KSR2: variants seen among roughly 807,000 people sequenced by gnomAD.
The protein encoded by KSR2 is kinase suppressor of ras 2.
A neutral mutation model predicts 107.8 loss-of-function variants in KSR2; 25 were observed. The ratio of observed to expected loss-of-function variants is 0.23; its 90% CI spans 0.17 to 0.32. The LOEUF (loss-of-function observed/expected upper bound fraction) is 0.32. KSR2 is among the 10% of genes least tolerant of loss of function. The pLI, the probability that KSR2 is intolerant of heterozygous loss-of-function variation, is 1.00. For missense variants in KSR2, 887 were observed against 1,268.9 expected (o/e 0.70, Z 4.57); for synonymous variants, 480 against 507.0 (o/e 0.95, Z 0.71).
intron 5 of KSR2, among the ~76,000 whole-genome samples, chr12:117,586,235 A>G (rs10850847): frequency 0.18 from 27,139 of 151,946 alleles, 2,691 homozygotes; most frequent in African/African-American, 0.23. Flanking sequence ...AGACACAGGT[A>G]AAAATGGGTG....
At chr12:117,570,005 T>C (rs917020992) in intron 7 of KSR2, among the ~76,000 whole-genome samples, 4 of 129,300 alleles carry the variant, frequency 3.1e-5, no homozygotes, top group African/African-American at 6.0e-5. Flanking sequence ...GTCTGCAGAC[T>C]TTTTTTTTTT....
intron 5 of KSR2, among the ~76,000 whole-genome samples, chr12:117,605,175 G>A (rs1881158034): frequency 6.6e-6 from 1 of 152,142 alleles, no homozygotes; most frequent in Non-Finnish European, 1.5e-5. Flanking sequence ...GTTCTCCCAA[G>A]TGTCTGTGGA....
In KSR2 at chr12:117,968,241, GT is replaced by G; in HGVS notation, c.14del (p.Asn5ThrfsTer2). On this transcript the variant is annotated frameshift_variant, in exon 1 of 20. Coordinates refer to ENST00000339824, the MANE Select transcript of KSR2 (RefSeq NM_173598.6). LOFTEE classifies it high-confidence loss of function. ...GCTGCTGCTCCTCGCTTTTCGTCAT[GT>G]TTTCCTCATCCATCGCTTGCTCTGC... MDEE[N>X]MTKSEEQQPL... The G allele has an allele frequency of 7.4e-7, 1 of 1,345,426 alleles. No individual in the cohort carries two copies. The highest frequency in any genetic ancestry group is 4.9e-5 in the East Asian group (1 of 20,342). The allele number at this position is 1,345,426 out of a possible 1,614,324, so 83.3% of individuals were successfully genotyped here.
chr12:117,737,926 G>T (rs1176918163), intron 4 of KSR2, among the ~76,000 whole-genome samples: 1 of 151,826 alleles, frequency 6.6e-6, no homozygotes, highest in Non-Finnish European at 1.5e-5. Flanking sequence ...GTTTAAGGTT[G>T]GCCAGCGTAC....
intron 4 of KSR2, among the ~76,000 whole-genome samples, chr12:117,676,540 G>A (rs1216209654): frequency 2.0e-5 from 3 of 152,104 alleles, no homozygotes; most frequent in Non-Finnish European, 4.4e-5. Context: ...AAAAGGAAGA[G>A]AAAAGGAAGA....
intron 7 of KSR2, among the ~76,000 whole-genome samples, chr12:117,564,060 C>T (rs1878297904): frequency 6.6e-6 from 1 of 152,168 alleles, no homozygotes; most frequent in Admixed American, 6.5e-5. Context: ...GCTCTCACAC[C>T]AAAACCCTTG....
intron 4 of KSR2, among the ~76,000 whole-genome samples, chr12:117,724,470 A>C (rs1887335191): frequency 6.6e-6 from 1 of 152,194 alleles, no homozygotes; most frequent in Non-Finnish European, 1.5e-5. Context: ...TGCAATGGGC[A>C]ATATAATCTT....
chr12:117,526,537 C>CA (rs995211979), intron 13 of KSR2, among the ~76,000 whole-genome samples: 3 of 152,180 alleles, frequency 2.0e-5, no homozygotes, highest in Non-Finnish European at 2.9e-5. Flanking sequence ...AAAATAGTCC[C>CA]AGAAAAGAAC....
chr12:117,567,152 G>T (rs546895769), intron 7 of KSR2, among the ~76,000 whole-genome samples: 2 of 152,228 alleles, frequency 1.3e-5, no homozygotes, highest in Non-Finnish European at 2.9e-5. Context: ...AAACATAGTA[G>T]TATGTAATAT....
chr12:117,737,811 T>G (rs1160527502), intron 4 of KSR2, among the ~76,000 whole-genome samples: 1 of 151,004 alleles, frequency 6.6e-6, no homozygotes, highest in Admixed American at 6.6e-5. Context: ...AAAAAGACTT[T>G]TTGTTAAAGC....
At chr12:117,887,624 A>T (rs1202051566) in intron 1 of KSR2, among the ~76,000 whole-genome samples, 1 of 152,100 alleles carries the variant, frequency 6.6e-6, no homozygotes, top group African/African-American at 2.4e-5. Context: ...CAACAAAGGA[A>T]TTGTTTAGTT....
chr12:117,864,762 C>T (rs1380900453), intron 1 of KSR2, among the ~76,000 whole-genome samples: 1 of 152,202 alleles, frequency 6.6e-6, no homozygotes, highest in Non-Finnish European at 1.5e-5. Flanking sequence ...GTATGTGTGA[C>T]TGTGTCCAAA....
chr12:117,792,549 T>C (rs1890289526), intron 3 of KSR2, among the ~76,000 whole-genome samples: 1 of 152,200 alleles, frequency 6.6e-6, no homozygotes, highest in African/African-American at 2.4e-5. Flanking sequence ...TTCAGCACTG[T>C]GCCAGGCACA....
At chr12:117,931,088 C>T (rs761914613) in intron 1 of KSR2, among the ~76,000 whole-genome samples, 20 of 152,046 alleles carry the variant, frequency 1.3e-4, no homozygotes, top group African/African-American at 2.7e-4. Flanking sequence ...GAGAGTCGTG[C>T]GGAGCAGAGA....
intron 4 of KSR2, among the ~76,000 whole-genome samples, chr12:117,736,388 C>G (rs1193098217): frequency 1.3e-5 from 2 of 152,156 alleles, no homozygotes; most frequent in Non-Finnish European, 2.9e-5. Flanking sequence ...AGAGCCTGCC[C>G]CATCCATCTC....
intron 3 of KSR2, among the ~76,000 whole-genome samples, chr12:117,803,651 C>T (rs559747024): frequency 1.3e-5 from 2 of 152,116 alleles, no homozygotes; most frequent in South Asian, 4.2e-4. Context: ...TGCAATGAGC[C>T]GAGATCGCAC....
intron 3 of KSR2, among the ~76,000 whole-genome samples, chr12:117,774,042 T>A (rs1478344145): frequency 6.6e-6 from 1 of 152,168 alleles, no homozygotes; most frequent in Non-Finnish European, 1.5e-5. Flanking sequence ...AAGTGGTAGA[T>A]CAGGGTTTCT....
intron 14 of KSR2, among the ~76,000 whole-genome samples, chr12:117,499,232 C>T (rs1873220857): frequency 6.6e-6 from 1 of 152,224 alleles, no homozygotes; most frequent in Non-Finnish European, 1.5e-5. Context: ...ACATATATCA[C>T]CTAATTCATA....
intron 1 of KSR2, among the ~76,000 whole-genome samples, chr12:117,956,236 C>A: frequency 9.4e-6 from 1 of 106,550 alleles, no homozygotes. Context: ...GGCGACAGAG[C>A]AAGACTCTGT....
Sources: allele counts gnomAD v4.1 joint callset (sites outside exome capture counted in the v4.1 genomes callset), GRCh38; gene constraint gnomAD v4.1.1; transcripts MANE v1.5; gene names NCBI Gene and HGNC (gene_info 2026-07-23, HGNC 2026-07-21).